The following CNOT1 variants were observed in gnomAD, a reference collection of about 807,000 sequenced individuals.
The protein encoded by CNOT1 is CCR4-NOT transcription complex subunit 1.
In CNOT1, 15 loss-of-function variants were observed where a neutral mutation model predicts 273.8. The observed-to-expected ratio is 0.05, with a 90% confidence interval of 0.04 to 0.08. CNOT1 has a LOEUF of 0.08. CNOT1 is among the 10% of genes least tolerant of loss of function. The pLI is 1.00. For synonymous variants in CNOT1, 1,022 were observed against 1,005.5 expected (o/e 1.02, Z -0.31); for missense variants, 1,644 against 2,912.2 (o/e 0.56, Z 10.02).
intron 38 of CNOT1, 61 bp downstream of exon 38, chr16:58,537,830 A>C (rs1318255243): frequency 6.3e-7 from 1 of 1,593,456 alleles, no homozygotes; most frequent in African/African-American, 1.3e-5. Context: ...CTGCATATTC[A>C]TTCCTAAAGA....
At chr16:58,543,306 A>G in intron 31 of CNOT1, 3 of 1,548,184 alleles carry the variant, frequency 1.9e-6, no homozygotes, top group Non-Finnish European at 2.6e-6. Flanking sequence ...GTTAACAGAA[A>G]TGAGATTGTC....
chr16:58,548,434 G>A, intron 25 of CNOT1: 1 of 475,474 alleles, frequency 2.1e-6, no homozygotes, highest in Non-Finnish European at 4.1e-6. Flanking sequence ...CTTTGCTACA[G>A]AGTATGTGGA....
intron 16 of CNOT1, among the ~76,000 whole-genome samples, chr16:58,560,567 T>A (rs1388786206): frequency 6.6e-6 from 1 of 151,880 alleles, no homozygotes; most frequent in Non-Finnish European, 1.5e-5. Context: ...CGAGTACCAA[T>A]CTGATTTTCT....
In CNOT1 at chr16:58,540,938, G is replaced by GC. The variant is rs113388038; in HGVS notation, c.4800+562dup. Among the ~76,000 whole-genome samples, 409 of 152,260 alleles carry GC rather than the reference G, an allele frequency of 2.7e-3. 1 individual carries two copies. The highest frequency in any genetic ancestry group is 9.2e-3 in the African/African-American group (384 of 41,550). On this transcript the variant is annotated intron_variant, in intron 34 of 48. Transcript: ENST00000317147. Reference sequence around the variant, plus strand: ...AAAAATGGGAAGGCTGGGCACAATGGCTCAGGCCTGTAATCCCAGCACTTT... The same window carrying GC: ...AAAAATGGGAAGGCTGGGCACAATGGCCTCAGGCCTGTAATCCCAGCACTTT...
At position 58,541,369 on chromosome 16, in the gene CNOT1, C is replaced by T. The variant is rs1011090858; in HGVS notation, c.4800+132G>A. 3.6e-6 allele frequency: 5 copies of T among 1,376,272 alleles called. No individual in the cohort carries two copies. The African/African-American group carries it at 4.4e-5, about 12-fold the overall frequency. The allele number at this position is 1,376,272 out of a possible 1,614,324, so 85.3% of individuals were successfully genotyped here. A position where few individuals can be genotyped will look rare whatever the true frequency, so the allele number is the denominator to read the frequency against. On this transcript the variant is annotated intron_variant, in intron 34 of 48. Coordinates refer to ENST00000317147, the MANE Select transcript of CNOT1 (RefSeq NM_016284.5). ...CTTAATTGGACACAAAGAATACCTA[C>T]AACTCAAAAACTATAGGTGTTTTTT... is the stretch of plus-strand genomic sequence containing the variant.
chr16:58,529,703 T>C lies in CNOT1; in HGVS notation c.6279+543A>G, dbSNP rs541161622. Among the ~76,000 whole-genome samples, 4 of 151,892 alleles carry C rather than the reference T, an allele frequency of 2.6e-5. No homozygotes were observed. The South Asian group carries it at 8.3e-4, about 32-fold the overall frequency. ...AAAAATACAAAAAATTAGCCAGGCA[T>C]GGTGGCACATGCCTGTAGTCTCTGC... On this transcript the variant is annotated intron_variant, in intron 43 of 48. Transcript: ENST00000317147.
chr16:58,601,578 T>C (rs941504308), intron 1 of CNOT1, among the ~76,000 whole-genome samples: 2 of 152,108 alleles, frequency 1.3e-5, no homozygotes, highest in East Asian at 1.9e-4. Context: ...TAAAAGGCCA[T>C]TTAAAACCTT....
At chr16:58,616,688 A>C (rs1160410040) in intron 1 of CNOT1, among the ~76,000 whole-genome samples, 2 of 152,158 alleles carry the variant, frequency 1.3e-5, no homozygotes, top group African/African-American at 4.8e-5. Context: ...TTTCGTGAGA[A>C]TGACATGATT....
intron 16 of CNOT1, among the ~76,000 whole-genome samples, chr16:58,573,637 C>G (rs549927070): frequency 1.3e-5 from 2 of 151,756 alleles, no homozygotes; most frequent in Non-Finnish European, 2.9e-5. Flanking sequence ...CCCGCCACCA[C>G]GCCTAGCTAA....
At chr16:58,587,976 T>C (rs539332596) in intron 3 of CNOT1, 98 bp from the exon 4 acceptor site, 1 of 1,143,958 alleles carries the variant, frequency 8.7e-7, no homozygotes, top group East Asian at 2.5e-5. Flanking sequence ...TCTAACACTA[T>C]ATACTGTTAT....
At chr16:58,536,341 G>A (rs563532658) in intron 39 of CNOT1, among the ~76,000 whole-genome samples, 7 of 152,264 alleles carry the variant, frequency 4.6e-5, no homozygotes, top group South Asian at 2.1e-4. Flanking sequence ...CCTCACAGTC[G>A]CTGAAAGCAA....
At chr16:58,610,654 T>C (rs889494595) in intron 1 of CNOT1, among the ~76,000 whole-genome samples, 3 of 152,050 alleles carry the variant, frequency 2.0e-5, no homozygotes, top group East Asian at 1.9e-4. Flanking sequence ...CCATCCTGGC[T>C]AACACAGTGA....
rs939968867 is a variant in CNOT1 at position 58,546,478 on chromosome 16, G to A, written c.3849C>T (p.Ile1283=). The A allele has an allele frequency of 3.8e-5, 61 of 1,613,250 alleles. No homozygotes were observed. Among genetic ancestry groups the A allele is most frequent in the Non-Finnish European group, 4.9e-5 (58 of 1,179,816 alleles). The stretch of plus-strand genomic sequence containing the variant: ...ATGCAAGGTTCTTGCAGAGAACCTC[G>A]ATTTCAAACTTCAAGTTTAACTGCA... ...HDLKLNLKFE[I]EVLCKNLALD... Residue 1283 remains isoleucine, a synonymous_variant, in exon 29 of 49, where the codon ATC becomes ATT. Coordinates refer to ENST00000317147, the MANE Select transcript of CNOT1 (RefSeq NM_016284.5).
intron 6 of CNOT1, 118 bp from the exon 7 acceptor site, chr16:58,586,866 C>T (rs2041890173): frequency 1.7e-6 from 2 of 1,171,778 alleles, no homozygotes; most frequent in Non-Finnish European, 2.4e-6. Flanking sequence ...ACCCATCTCT[C>T]TAATGCTTTC....
Position 58,521,234 on chromosome 16 carries a change from G to A in CNOT1, c.7001C>T (p.Ala2334Val), listed in dbSNP as rs2039357069. Reference protein sequence around the residue: ...ITFIELIKNPAFKFWNHEFVH... With the variant: ...ITFIELIKNPVFKFWNHEFVH... ...AAATTCATGGTTCCAGAACTTAAAC[G>A]CTGGGTTTTTAATCAGCTCAATGAA... The change falls in exon 48 of 49, where the codon GCG becomes GTG. Residue 2334 changes from alanine (A) to valine (V), a missense_variant. Ala to Val is a moderately conservative substitution (Grantham distance 64). Coordinates refer to ENST00000317147, the MANE Select transcript of CNOT1 (RefSeq NM_016284.5). The A allele has an allele frequency of 3.7e-6, 6 of 1,614,038 alleles. No individual in the cohort carries two copies. Among genetic ancestry groups the A allele is most frequent in the Admixed American group, 1.7e-5 (1 of 59,992 alleles).
intron 1 of CNOT1, among the ~76,000 whole-genome samples, chr16:58,619,773 T>C (rs911917324): frequency 3.6e-4 from 55 of 152,334 alleles, no homozygotes; most frequent in African/African-American, 1.3e-3. Context: ...ATCTTGTTTC[T>C]AGTCGTCCAA....
intron 1 of CNOT1, among the ~76,000 whole-genome samples, chr16:58,610,015 G>T (rs886555049): frequency 1.3e-5 from 2 of 152,046 alleles, no homozygotes; most frequent in Admixed American, 1.3e-4. Flanking sequence ...AACACAAAAG[G>T]AAACATTGAC....
chr16:58,541,873 G>T (rs1274503921), intron 33 of CNOT1, among the ~76,000 whole-genome samples: 2 of 152,166 alleles, frequency 1.3e-5, no homozygotes, highest in East Asian at 3.9e-4. Flanking sequence ...CACATGGGAC[G>T]ATGCCAGTGC....
Position 58,554,935 on chromosome 16 carries a change from C to CAAAAAAAAAAAAAAAAA in CNOT1, c.2891+299_2891+315dup, listed in dbSNP as rs56180546. 4.9e-4 allele frequency among the ~76,000 whole-genome samples: 39 copies of CAAAAAAAAAAAAAAAAA among 78,884 alleles called. 2 individuals carry two copies. The highest frequency in any genetic ancestry group is 1.6e-3 in the African/African-American group (32 of 19,970). 51.8% of individuals were successfully genotyped at this position (78,884 alleles called of 152,430 possible). ...TGGGGGACAGAGCAAGACTCCATCT[C>CAAAAAAAAAAAAAAAAA]AAAAAAAAAAAAAAAAAAGCTTCAG... On this transcript the variant is annotated intron_variant, in intron 21 of 48. Transcript: ENST00000317147.
Sources: gnomAD v4.1 joint callset for allele counts (sites outside exome capture counted in the v4.1 genomes callset) on GRCh38, gnomAD v4.1.1 for gene constraint, MANE v1.5 for transcripts, NCBI Gene and HGNC (gene_info 2026-07-23, HGNC 2026-07-21) for gene names.